FKBP10: variants seen among roughly 807,000 people sequenced by gnomAD.
FKBP10 encodes FKBP prolyl isomerase 10.
In FKBP10, 34 loss-of-function variants were observed where a neutral mutation model predicts 53.7. The ratio of observed to expected loss-of-function variants is 0.63; its 90% CI spans 0.48 to 0.84. FKBP10 has a LOEUF of 0.84. FKBP10 is among the 40% of genes least tolerant of loss of function. The pLI, the probability that FKBP10 is intolerant of heterozygous loss-of-function variation, is 0.00. For synonymous variants in FKBP10, 324 were observed against 335.7 expected, an observed-to-expected ratio of 0.97 and a Z score of 0.38; for missense variants, 748 against 797.8, an observed-to-expected ratio of 0.94 and a Z score of 0.75.
chr17:41,813,330 G>T (rs566875547), intron 1 of FKBP10, 51 bp downstream of exon 1: 10 of 1,611,864 alleles, frequency 6.2e-6, no homozygotes, highest in Middle Eastern at 1.7e-4. Context: ...CCTGAACCCG[G>T]GGTCCTGTTT....
At chr17:41,813,946 ATC>A (rs1386452458) in intron 1 of FKBP10, among the ~76,000 whole-genome samples, 1 of 152,092 alleles carries the variant, frequency 6.6e-6, no homozygotes, top group Admixed American at 6.5e-5. Context: ...TGGAACCCTC[ATC>A]TCTCTCCATT....
intron 2 of FKBP10, among the ~76,000 whole-genome samples, chr17:41,817,484 A>T (rs1555616251): frequency 6.6e-6 from 1 of 151,792 alleles, no homozygotes. Flanking sequence ...AAAATAAATT[A>T]TCCAGGTGTG....
At chr17:41,820,679 G>A (rs1462297069) in intron 7 of FKBP10, 2 of 663,050 alleles carry the variant, frequency 3.0e-6, no homozygotes, top group Admixed American at 2.9e-5. Context: ...CCAACAGTTG[G>A]GGGAGAACTG....
rs533333607 is a variant in FKBP10 at position 41,818,759 on chromosome 17, A to C, written c.727+232A>C. On this transcript the variant is annotated intron_variant, in intron 4 of 9. Transcript: ENST00000321562. ...AAGGCGGGAGGATCACGAGGTCAGG[A>C]GATCGAGACCACGGTGAAACCCCGT... 3.4e-4 allele frequency: 185 copies of C among 544,096 alleles called. 1 individual carries two copies. Among genetic ancestry groups the C allele is most frequent in the African/African-American group, 3.3e-3 (174 of 52,468 alleles). 33.7% of individuals were successfully genotyped at this position (544,096 alleles called of 1,614,324 possible).
chr17:41,813,736 AG>A (rs1294009189), intron 1 of FKBP10, among the ~76,000 whole-genome samples: 1 of 152,048 alleles, frequency 6.6e-6, no homozygotes, highest in Non-Finnish European at 1.5e-5. Context: ...AAGAGGGAAT[AG>A]AACTTTTTTT....
rs1361168702 is a variant in FKBP10, at chr17:41,821,250, G to A, written c.1399+161G>A. ...TGATTCTCCTGCCTCAGCCTCCCGA[G>A]TAGCTGGGATTACAGGCACCTGCCA... On this transcript the variant is annotated intron_variant, in intron 8 of 9. Coordinates refer to ENST00000321562, the MANE Select transcript of FKBP10 (RefSeq NM_021939.4). Among the ~76,000 whole-genome samples, 5 of 148,778 alleles carry A rather than the reference G, an allele frequency of 3.4e-5. No homozygotes were observed. In the East Asian group the frequency reaches 1.0e-3, roughly 30 times the overall value.
Position 41,822,299 on chromosome 17 carries a change from T to C in FKBP10, c.1640T>C (p.Ile547Thr), listed in dbSNP as rs368139860. Residue 547 changes from isoleucine (I) to threonine (T), a missense_variant, in exon 10 of 10, where the codon ATA (isoleucine) becomes ACA (threonine). Ile to Thr is a moderately conservative substitution (Grantham distance 89, BLOSUM62 -1). Transcript: ENST00000321562. ...LMPGQDPEKT[I>T]GDMFQNQDRN... ...CCTGGGCAGGACCCTGAGAAAACCA[T>C]AGGAGACATGTTCCAGAACCAGGAC... is the stretch of plus-strand genomic sequence containing the variant. The C allele has an allele frequency of 2.7e-5, 43 of 1,613,692 alleles. No homozygotes were observed. Among genetic ancestry groups the C allele is most frequent in the South Asian group, 7.7e-5 (7 of 90,982 alleles).
chr17:41,818,778 ACCCCGTCT>A, intron 4 of FKBP10: 1 of 487,336 alleles, frequency 2.1e-6, no homozygotes, highest in South Asian at 2.1e-5. Context: ...CCACGGTGAA[ACCCCGTCT>A]CTACTAAAAA....
chr17:41,820,027 A>G, intron 6 of FKBP10: 1 of 1,467,298 alleles, frequency 6.8e-7, no homozygotes, highest in South Asian at 1.3e-5. Flanking sequence ...CCGCAGGGTA[A>G]GTTACTGGGA....
At chr17:41,815,273 C>T (rs577656768) in intron 1 of FKBP10, among the ~76,000 whole-genome samples, 6 of 152,172 alleles carry the variant, frequency 3.9e-5, no homozygotes, top group Admixed American at 6.5e-5. Flanking sequence ...CCGCCCACCT[C>T]GGCCTCCCAA....
chr17:41,813,208 A>G lies in FKBP10; in HGVS notation c.174A>G (p.Glu58=), dbSNP rs150052125. Residue 58 remains glutamate, a synonymous_variant, in exon 1 of 10, where the codon GAA becomes GAG. Transcript: ENST00000321562. ...ACATCCCCAGGGCCTGTCCCCGGGA[A>G]GTGCAGATGGGGGATTTTGTGCGCT... ...RYHIPRACPR[E]VQMGDFVRYH... The G allele has an allele frequency of 1.3e-4, 213 of 1,613,550 alleles. 1 individual carries two copies. In the African/African-American group the frequency reaches 2.6e-3, roughly 20 times the overall value.
intron 1 of FKBP10, among the ~76,000 whole-genome samples, chr17:41,814,282 C>A (rs1207790443): frequency 1.3e-5 from 2 of 152,162 alleles, no homozygotes; most frequent in Admixed American, 6.5e-5. Context: ...GTCCCAAGAC[C>A]CTGGTTCAAA....
Position 41,822,439 on chromosome 17 carries a change from CAG to C in FKBP10, c.*34_*35del, listed in dbSNP as rs782336656. 1 of 1,576,634 alleles carries C rather than the reference CAG, an allele frequency of 6.3e-7. No homozygotes were observed. Among genetic ancestry groups the C allele is most frequent in the Admixed American group, 1.8e-5 (1 of 54,056 alleles). On this transcript the variant is annotated 3_prime_UTR_variant, in exon 10 of 10. Transcript: ENST00000321562. ...AGGGAGCCTGGCCAGGCCTGAGACA[CAG>C]AGGCCCACTGCGAGGGGGACAGTGG...
At chr17:41,821,948 C>A in intron 9 of FKBP10, 131 bp downstream of exon 9, 1 of 1,149,108 alleles carries the variant, frequency 8.7e-7, no homozygotes, top group Non-Finnish European at 1.3e-6. Flanking sequence ...AGTCCCACGC[C>A]TCAGGCTCCT....
intron 7 of FKBP10, 175 bp from the exon 8 acceptor site, chr17:41,820,772 A>T: frequency 1.1e-6 from 1 of 905,184 alleles, no homozygotes; most frequent in Non-Finnish European, 1.6e-6. Context: ...AGGCAAGATG[A>T]GAAGGGAACC....
At chr17:41,819,077 CT>C in intron 4 of FKBP10, 132 bp from the exon 5 acceptor site, 1 of 904,354 alleles carries the variant, frequency 1.1e-6, no homozygotes, top group Non-Finnish European at 1.8e-6. Context: ...AGAAGCAGGG[CT>C]GCTGATGGGC....
Position 41,817,053 on chromosome 17 carries a change from C to G in FKBP10, c.246-5C>G, listed in dbSNP as rs140027863. ...ACTGTATCCCATCTGTCCCTCCCCCCCCAGCTATGATCGCAACACCTTGGT... is the reference window on the plus strand; with the variant it reads ...ACTGTATCCCATCTGTCCCTCCCCCGCCAGCTATGATCGCAACACCTTGGT... On this transcript the variant is annotated splice_region_variant and splice_polypyrimidine_tract_variant and intron_variant, in intron 1 of 9. Transcript: ENST00000321562. The G allele has an allele frequency of 1.6e-3, 2,563 of 1,614,046 alleles. 5 individuals carry two copies. The highest frequency in any genetic ancestry group is 3.1e-3 in the Middle Eastern group (19 of 6,062).
Position 41,820,956 on chromosome 17 carries a change from C to T in FKBP10, c.1266C>T (p.Tyr422=), listed in dbSNP as rs367837409. 28 of 1,611,972 alleles carry T rather than the reference C, an allele frequency of 1.7e-5. No homozygotes were observed. Among genetic ancestry groups the T allele is most frequent in the East Asian group, 6.7e-5 (3 of 44,828 alleles). ...DGTQLFTSHD[Y]GAPQEATLGA... ...ATCTGCTCTCCCCCAGGCATGACTA[C>T]GGGGCCCCCCAGGAGGCGACTCTCG... is the stretch of plus-strand genomic sequence containing the variant. Residue 422 remains tyrosine, a synonymous_variant, in exon 8 of 10, where the codon TAC becomes TAT. Transcript: ENST00000321562.
In FKBP10 at chr17:41,820,930, C is replaced by T. The variant is rs1555616933; in HGVS notation, c.1257-17C>T. 2 of 1,610,032 alleles carry T rather than the reference C, an allele frequency of 1.2e-6. No individual in the cohort carries two copies. The highest frequency in any genetic ancestry group is 1.7e-5 in the Admixed American group (1 of 59,598). ...GGGACAGGGTGGCTGCTGACCTGGG[C>T]ATCTGCTCTCCCCCAGGCATGACTA... On this transcript the variant is annotated splice_polypyrimidine_tract_variant and intron_variant, in intron 7 of 9. Transcript: ENST00000321562.
Sources: gnomAD v4.1 joint callset for allele counts (sites outside exome capture counted in the v4.1 genomes callset) on GRCh38, gnomAD v4.1.1 for gene constraint, MANE v1.5 for transcripts, NCBI Gene and HGNC (gene_info 2026-07-23, HGNC 2026-07-21) for gene names.